Variants in NDUFA10 observed in about 807,000 individuals in gnomAD.
NDUFA10 encodes NADH dehydrogenase [ubiquinone] 1 alpha subcomplex subunit 10, mitochondrial.
Under a neutral mutation model 47.8 loss-of-function variants are expected in NDUFA10, and 40 were observed. The observed-to-expected ratio is 0.84, with a 90% CI of 0.65 to 1.09. The LOEUF is 1.09. Among genes scored for constraint, NDUFA10 ranks in the 50% least tolerant of loss-of-function variants. NDUFA10 has a pLI of 0.00. For synonymous variants in NDUFA10, 183 were observed against 172.2 expected, an observed-to-expected ratio of 1.06 and a Z score of -0.49; for missense variants, 413 against 451.1, an observed-to-expected ratio of 0.92 and a Z score of 0.76.
intron 9 of NDUFA10, among the ~76,000 whole-genome samples, chr2:239,981,522 T>C (rs368129870): frequency 6.6e-6 from 1 of 152,076 alleles, no homozygotes; most frequent in African/African-American, 2.4e-5. Flanking sequence ...TCTAGACCCA[T>C]CTCACAAAAC....
intron 9 of NDUFA10, among the ~76,000 whole-genome samples, chr2:239,971,109 T>A (rs1695287570): frequency 6.6e-6 from 1 of 152,222 alleles, no homozygotes; most frequent in Non-Finnish European, 1.5e-5. Context: ...ACTACAGTAA[T>A]GAAAGAAGTG....
At chr2:239,998,133 G>C (rs1356227719) in intron 8 of NDUFA10, among the ~76,000 whole-genome samples, 1 of 152,210 alleles carries the variant, frequency 6.6e-6, no homozygotes, top group Non-Finnish European at 1.5e-5. Context: ...AAGCGCAGGT[G>C]ATTTGATTCT....
chr2:239,909,154 G>C (rs13409529), intron 4 of NDUFA10, among the ~76,000 whole-genome samples: 24,970 of 152,148 alleles, frequency 0.16, 2,077 homozygotes, highest in South Asian at 0.19. Context: ...AAAGTCCAAA[G>C]CAAAACAGAT....
intron 4 of NDUFA10, among the ~76,000 whole-genome samples, chr2:239,949,927 G>A (rs1027092673): frequency 2.0e-5 from 3 of 152,170 alleles, no homozygotes; most frequent in Admixed American, 6.5e-5. Context: ...TGTTCATCCT[G>A]TGGGTCCTGG....
Position 239,928,827 on chromosome 2 carries a change from G to A in NDUFA10, c.295-33513C>T, listed in dbSNP as rs561635384. Among the ~76,000 whole-genome samples, 12 of 152,318 alleles carry A rather than the reference G, an allele frequency of 7.9e-5. No individual in the cohort carries two copies. In the South Asian group the frequency reaches 2.5e-3, roughly 32 times the overall value. On this transcript the variant is annotated intron_variant, in intron 4 of 5. Transcript: ENST00000419408. This position sits in a 1 kb window ranked among gnomAD's most constrained non-coding sequence, Gnocchi z 4.3. ...CAGCCCAGGCCCAACCTCGGAGCCT[G>A]TGTGGTTGCTCCTTCACCCCACTCC...
intron 4 of NDUFA10, among the ~76,000 whole-genome samples, chr2:239,910,561 T>TG (rs1693733841): frequency 6.6e-6 from 1 of 151,918 alleles, no homozygotes; most frequent in Non-Finnish European, 1.5e-5. Flanking sequence ...TGGGGCCTGC[T>TG]GGGGGGTGTT....
chr2:240,001,713 G>A (rs1231494797), intron 8 of NDUFA10, among the ~76,000 whole-genome samples: 3 of 152,116 alleles, frequency 2.0e-5, no homozygotes, highest in African/African-American at 2.4e-5. Flanking sequence ...AAAATTACTC[G>A]GAATAAACCA....
At chr2:239,949,062 G>A (rs552238269) in intron 4 of NDUFA10, among the ~76,000 whole-genome samples, 2 of 152,226 alleles carry the variant, frequency 1.3e-5, no homozygotes, top group African/African-American at 2.4e-5. Context: ...TTAACCCCAC[G>A]AATGCAATGG....
At chr2:239,972,781 CCTT>C (rs1342057350) in intron 9 of NDUFA10, among the ~76,000 whole-genome samples, 2 of 152,168 alleles carry the variant, frequency 1.3e-5, no homozygotes, top group Non-Finnish European at 2.9e-5. Flanking sequence ...TCTTAATCCT[CCTT>C]AACTCTTATT....
intron 9 of NDUFA10, among the ~76,000 whole-genome samples, chr2:239,961,398 G>A (rs1346637223): frequency 6.6e-6 from 1 of 152,196 alleles, no homozygotes; most frequent in East Asian, 1.9e-4. Context: ...AGAAGCTTCT[G>A]TCCTAGGGCT....
At chr2:239,934,594 CCT>C (rs1260051146) in intron 4 of NDUFA10, among the ~76,000 whole-genome samples, 2 of 152,072 alleles carry the variant, frequency 1.3e-5, no homozygotes, top group African/African-American at 4.8e-5. Flanking sequence ...AACATTTATC[CCT>C]GTTTTGTACT....
At chr2:239,916,304 CACAG>C (rs202095801) in intron 4 of NDUFA10, among the ~76,000 whole-genome samples, 2,938 of 151,762 alleles carry the variant, frequency 0.019, 90 homozygotes, top group African/African-American at 0.067. Flanking sequence ...TACAGACACA[CACAG>C]ACACAGATAC....
intron 1 of NDUFA10, among the ~76,000 whole-genome samples, chr2:240,023,252 GAAC>G (rs570368912): frequency 1.3e-5 from 2 of 151,982 alleles, no homozygotes; most frequent in Non-Finnish European, 2.9e-5. Flanking sequence ...AAATTGTACA[GAAC>G]AATAAGAAAA....
intron 1 of NDUFA10, 133 bp downstream of exon 1, chr2:240,025,094 G>GA: frequency 1.2e-6 from 1 of 867,878 alleles, no homozygotes. Flanking sequence ...GAGGCAGGAG[G>GA]GGTCCCCCAA....
intron 4 of NDUFA10, among the ~76,000 whole-genome samples, chr2:239,918,187 G>C (rs1171066853): frequency 6.6e-6 from 1 of 152,160 alleles, no homozygotes; most frequent in African/African-American, 2.4e-5. Context: ...GCCACAGATG[G>C]ACCATGCATG....
intron 9 of NDUFA10, among the ~76,000 whole-genome samples, chr2:239,985,989 C>T (rs1183973971): frequency 6.6e-6 from 1 of 151,390 alleles, no homozygotes; most frequent in East Asian, 1.9e-4. Context: ...GAACCTCAGG[C>T]CAAGTGAGTA....
intron 4 of NDUFA10, among the ~76,000 whole-genome samples, chr2:239,941,496 C>T (rs1042168527): frequency 1.2e-4 from 14 of 121,516 alleles, no homozygotes; most frequent in African/African-American, 3.5e-4. Context: ...AAGGCCAAGG[C>T]GGGCAGATCA....
intron 9 of NDUFA10, among the ~76,000 whole-genome samples, chr2:239,984,510 G>A (rs1695918322): frequency 6.6e-6 from 1 of 152,106 alleles, no homozygotes; most frequent in Non-Finnish European, 1.5e-5. Flanking sequence ...CAAACCACAA[G>A]CCCAATATCA....
chr2:239,946,672 G>T (rs752646947), intron 4 of NDUFA10, among the ~76,000 whole-genome samples: 2 of 152,252 alleles, frequency 1.3e-5, no homozygotes, highest in African/African-American at 2.4e-5. Context: ...CGCTGGTGCA[G>T]GACCTCCCTG....
Sources: gnomAD v4.1 joint callset for allele counts (sites outside exome capture counted in the v4.1 genomes callset) on GRCh38, gnomAD v4.1.1 for gene constraint, Gnocchi (gnomAD v3.1) non-coding constraint, MANE v1.5 for transcripts, NCBI Gene and HGNC (gene_info 2026-07-23, HGNC 2026-07-21) for gene names.